Variants in TPRG1 observed in about 807,000 individuals in gnomAD.
The protein encoded by TPRG1 is tumor protein p63-regulated gene 1 protein.
In TPRG1, 29 loss-of-function variants were observed where a neutral mutation model predicts 29.3. That is an observed-to-expected ratio of 0.99 (90% CI 0.74 to 1.35). The LOEUF (loss-of-function observed/expected upper bound fraction) is 1.35. TPRG1 is among the 40% of genes most tolerant of loss of function. The pLI is 0.00. For missense variants in TPRG1, 327 were observed against 335.0 expected (o/e 0.98, Z 0.19); for synonymous variants, 130 against 116.8 (o/e 1.11, Z -0.73).
chr3:189,204,945 T>TCACACACACACACA (rs1206636743), intron 1 of TPRG1, among the ~76,000 whole-genome samples: 22 of 92,750 alleles, frequency 2.4e-4, no homozygotes, highest in African/African-American at 4.3e-4. Flanking sequence ...TCTCTCTCTC[T>TCACACACACACACA]CTCACACACA....
chr3:189,059,772 G>T (rs1190419630), intron 4 of TPRG1, among the ~76,000 whole-genome samples: 2 of 152,262 alleles, frequency 1.3e-5, no homozygotes, highest in East Asian at 3.9e-4. Flanking sequence ...TTGATAGTCT[G>T]GAATGAAAGG....
At chr3:189,223,565 A>T (rs545498679) in intron 3 of TPRG1, among the ~76,000 whole-genome samples, 1 of 152,352 alleles carries the variant, frequency 6.6e-6, no homozygotes, top group South Asian at 2.1e-4. Context: ...TAGTTGCTAC[A>T]GTCACAAATG....
intron 1 of TPRG1, among the ~76,000 whole-genome samples, chr3:189,178,135 C>T (rs1235854348): frequency 6.6e-6 from 1 of 152,166 alleles, no homozygotes; most frequent in Admixed American, 6.5e-5. Context: ...ATAGATGTTC[C>T]TTTCAAGGAG....
At chr3:189,033,266 G>A (rs561369063) in intron 4 of TPRG1, among the ~76,000 whole-genome samples, 6 of 151,444 alleles carry the variant, frequency 4.0e-5, no homozygotes, top group Non-Finnish European at 8.8e-5. Flanking sequence ...GCTACGCAGA[G>A]TCATTATTCC....
chr3:189,172,113 T>C lies in TPRG1; in HGVS notation c.-28T>C, dbSNP rs1728881164. 6.6e-6 allele frequency: 1 copy of C among 152,218 alleles called. No homozygotes were observed. The highest frequency in any genetic ancestry group is 2.4e-5 in the African/African-American group (1 of 41,436). The allele number at this position is 152,218 out of a possible 1,614,324, so 9.4% of individuals were successfully genotyped here. A position where few individuals can be genotyped will look rare whatever the true frequency, so the allele number is the denominator to read the frequency against. On this transcript the variant is annotated 5_prime_UTR_variant, in exon 1 of 6. Transcript: ENST00000345063. ...TGTGCAGAAAGAGAAAGAAGAGCCT[T>C]GAGGACCAGCCTAGTCAGGTAAGAT...
At chr3:189,296,832 TCAAA>T (rs138312380) in intron 4 of TPRG1, among the ~76,000 whole-genome samples, 1,531 of 152,332 alleles carry the variant, frequency 0.01, 13 homozygotes, top group Middle Eastern at 0.031. Flanking sequence ...TGAATAATCT[TCAAA>T]CAAACCTTAT....
At chr3:189,065,264 A>G (rs2152146754) in intron 4 of TPRG1, among the ~76,000 whole-genome samples, 1 of 152,276 alleles carries the variant, frequency 6.6e-6, no homozygotes, top group Non-Finnish European at 1.5e-5. Flanking sequence ...GCATTAACAC[A>G]AATTTTGCAC....
chr3:189,119,747 T>C (rs1273300025), intron 1 of TPRG1, among the ~76,000 whole-genome samples: 1 of 152,220 alleles, frequency 6.6e-6, no homozygotes, highest in East Asian at 1.9e-4. Flanking sequence ...CCTTCTGCCA[T>C]GGTCGTAAGT....
At chr3:189,098,662 C>T (rs1250154547), upstream of TPRG1, among the ~76,000 whole-genome samples, 2 of 151,978 alleles carry the variant, frequency 1.3e-5, no homozygotes, top group South Asian at 2.1e-4. Flanking sequence ...GATGAAGAAG[C>T]GCTGGTTTGG....
At chr3:189,255,204 C>A (rs1711617453) in intron 4 of TPRG1, among the ~76,000 whole-genome samples, 1 of 152,104 alleles carries the variant, frequency 6.6e-6, no homozygotes, top group Admixed American at 6.5e-5. Flanking sequence ...TCCATCAATA[C>A]CTAGTTTATC....
chr3:189,301,362 T>C (rs1422480661), intron 4 of TPRG1, among the ~76,000 whole-genome samples: 1 of 116,110 alleles, frequency 8.6e-6, no homozygotes, highest in African/African-American at 3.3e-5. Flanking sequence ...AGCTAGCAAA[T>C]ATTGAATGCC....
intron 4 of TPRG1, among the ~76,000 whole-genome samples, chr3:189,258,223 C>T (rs1163417898): frequency 5.3e-5 from 8 of 150,596 alleles, no homozygotes; most frequent in African/African-American, 2.0e-4. Context: ...TGATGTTACT[C>T]TTTCCTGTTT....
intron 1 of TPRG1, among the ~76,000 whole-genome samples, chr3:189,188,810 CT>C (rs1731294952): frequency 6.6e-6 from 1 of 152,156 alleles, no homozygotes; most frequent in South Asian, 2.1e-4. Context: ...CTTCTTTTGA[CT>C]TTTTTTCCTG....
At chr3:189,038,294 C>T (rs1714410859) in intron 4 of TPRG1, among the ~76,000 whole-genome samples, 2 of 151,866 alleles carry the variant, frequency 1.3e-5, no homozygotes, top group African/African-American at 4.8e-5. Context: ...GCATTTATGC[C>T]TATTGGCCTA....
intron 3 of TPRG1, among the ~76,000 whole-genome samples, chr3:189,224,325 A>G (rs1737374167): frequency 6.6e-6 from 1 of 152,186 alleles, no homozygotes; most frequent in Non-Finnish European, 1.5e-5. Flanking sequence ...TACTGAAAAT[A>G]CAAAAACTAG....
At chr3:189,056,094 T>G (rs924290576) in intron 4 of TPRG1, among the ~76,000 whole-genome samples, 1 of 127,102 alleles carries the variant, frequency 7.9e-6, no homozygotes, top group African/African-American at 2.9e-5. Flanking sequence ...CCTTCCTTCC[T>G]TCCTTCCCTC....
At chr3:189,013,944 G>C (rs1325039935) in intron 3 of TPRG1, among the ~76,000 whole-genome samples, 1 of 152,080 alleles carries the variant, frequency 6.6e-6, no homozygotes, top group Non-Finnish European at 1.5e-5. Flanking sequence ...AGTGGGTGTT[G>C]GTTCTTTATC....
intron 3 of TPRG1, among the ~76,000 whole-genome samples, chr3:189,216,430 CTGAT>C (rs1736074633): frequency 6.6e-6 from 1 of 152,196 alleles, no homozygotes; most frequent in Admixed American, 6.5e-5. Context: ...GTGAGTTCAT[CTGAT>C]TGCTCACCAT....
At chr3:189,248,757 A>C (rs1429772768) in intron 4 of TPRG1, among the ~76,000 whole-genome samples, 1 of 151,200 alleles carries the variant, frequency 6.6e-6, no homozygotes, top group Admixed American at 6.6e-5. Flanking sequence ...TTATTAATTT[A>C]TAGTTTTATT....
Sources: allele counts gnomAD v4.1 joint callset (sites outside exome capture counted in the v4.1 genomes callset), GRCh38; gene constraint gnomAD v4.1.1; transcripts MANE v1.5; gene names NCBI Gene and HGNC (gene_info 2026-07-23, HGNC 2026-07-21).